The following CAB39L variants were observed in gnomAD, a reference collection of about 807,000 sequenced individuals.
CAB39L encodes calcium-binding protein 39-like.
Under a neutral mutation model 39.1 loss-of-function variants are expected in CAB39L, and 23 were observed. The ratio of observed to expected loss-of-function variants is 0.59; its 90% confidence interval spans 0.42 to 0.83. CAB39L has a LOEUF of 0.83. Ranked by LOEUF, CAB39L falls within the 40% of genes least tolerant of loss-of-function variation. The probability of loss-of-function intolerance (pLI) is 0.00; values close to 1 mark genes in which losing one functional copy is unlikely to be tolerated. For missense variants in CAB39L, 366 were observed against 391.9 expected (o/e 0.93, Z 0.56); for synonymous variants, 126 against 137.2 (o/e 0.92, Z 0.57).
In CAB39L at chr13:49,433,338, T is replaced by C. The variant is rs1957356129; in HGVS notation, c.-52A>G. ...CTTACCTTAGAAGTTGTATATCATT[T>C]GCAAATTTGTTTGAACCTTCTTAGC... On this transcript the variant is annotated 5_prime_UTR_variant, in exon 3 of 11. Transcript: ENST00000409308. 8.8e-6 allele frequency: 4 copies of C among 453,248 alleles called. No individual in the cohort carries two copies. The highest frequency in any genetic ancestry group is 1.3e-5 in the Non-Finnish European group (3 of 226,134). The allele number at this position is 453,248 out of a possible 1,614,324, so 28.1% of individuals were successfully genotyped here.
rs1418644701 is a variant in CAB39L at position 49,339,734 on chromosome 13, T to C, written c.633A>G (p.Glu211=). 1 of 1,582,066 alleles carries C rather than the reference T, an allele frequency of 6.3e-7. No homozygotes were observed. The highest frequency in any genetic ancestry group is 8.6e-7 in the Non-Finnish European group (1 of 1,165,488). Residue 211 remains glutamate, a synonymous_variant, in exon 9 of 11, where the codon GAA becomes GAG. Transcript: ENST00000409308. ...FLEQNYDTIF[E]DYEKLLQSEN... is the part of the protein sequence containing the mutation. ...CAGACTGAAGCAATTTCTCATAGTC[T>C]TCAAAAATCTAATGAAAAGAAAATA...
intron 3 of CAB39L, among the ~76,000 whole-genome samples, chr13:49,386,625 T>C (rs1380274170): frequency 6.6e-6 from 1 of 152,122 alleles, no homozygotes; most frequent in Non-Finnish European, 1.5e-5. Flanking sequence ...GTTTTAAAAT[T>C]TCATCTTATC....
intron 8 of CAB39L, 52 bp from the exon 9 acceptor site, chr13:49,339,794 G>A (rs114944657): frequency 0.044 from 61,919 of 1,420,922 alleles, 1,538 homozygotes; most frequent in Middle Eastern, 0.061. Flanking sequence ...TGGATTCTCC[G>A]TATTAGGCTG....
At chr13:49,400,801 G>C (rs968996135) in intron 3 of CAB39L, among the ~76,000 whole-genome samples, 1 of 151,996 alleles carries the variant, frequency 6.6e-6, no homozygotes, top group East Asian at 1.9e-4. Context: ...TCATGCAGTT[G>C]AAAGAGAAAC....
chr13:49,342,660 C>T (rs1348032527), intron 8 of CAB39L, among the ~76,000 whole-genome samples: 1 of 152,118 alleles, frequency 6.6e-6, no homozygotes, highest in Non-Finnish European at 1.5e-5. Flanking sequence ...GTGGCTGTTG[C>T]TAGGATGAGG....
intron 3 of CAB39L, among the ~76,000 whole-genome samples, chr13:49,386,836 C>G (rs189018300): frequency 2.0e-5 from 3 of 151,856 alleles, no homozygotes; most frequent in Admixed American, 6.6e-5. Flanking sequence ...ACACCTCCCC[C>G]ACTCCCAGAC....
chr13:49,428,687 C>T (rs951934045), intron 3 of CAB39L, among the ~76,000 whole-genome samples: 1 of 152,120 alleles, frequency 6.6e-6, no homozygotes, highest in Non-Finnish European at 1.5e-5. Context: ...TCAGGGAGCT[C>T]TCCAATAAAC....
At chr13:49,316,261 GAA>G (rs1954155027) in intron 10 of CAB39L, among the ~76,000 whole-genome samples, 1 of 152,070 alleles carries the variant, frequency 6.6e-6, no homozygotes, top group Admixed American at 6.6e-5. Context: ...CAAATTCCTA[GAA>G]ACATGCAGAC....
rs77825443 is a variant in CAB39L at position 49,434,037 on chromosome 13, G to C, written c.-108+49C>G. 1,655 of 389,648 alleles carry C rather than the reference G, an allele frequency of 4.2e-3. 25 individuals carry two copies. The highest frequency in any genetic ancestry group is 0.029 in the African/African-American group (1,361 of 47,210). 24.1% of individuals were successfully genotyped at this position (389,648 alleles called of 1,614,324 possible). ...TGTAAAATCTATCTCCATCACAAGA[G>C]TGTGTATGCGTGTGCTTGTTTCCCC... is the stretch of plus-strand genomic sequence containing the variant. On this transcript the variant is annotated intron_variant, in intron 2 of 10. Transcript: ENST00000409308.
chr13:49,310,833 A>C lies in CAB39L; in HGVS notation c.995T>G (p.Leu332Trp), dbSNP rs1456831111. The C allele has an allele frequency of 1.9e-6, 3 of 1,613,994 alleles. No homozygotes were observed. The highest frequency in any genetic ancestry group is 3.3e-5 in the Admixed American group (2 of 59,998). The change falls in exon 11 of 11, where the codon TTG becomes TGG. Residue 332 changes from leucine (L) to tryptophan (W), a missense_variant. Coordinates refer to ENST00000409308, the MANE Select transcript of CAB39L (RefSeq NM_001079670.3). ...KNYLIKQIRD[L>W]KKTAP ...AGCTCTTCAAGGGGCCGTTTTCTTC[A>C]AGTCTCGGATCTGTTTAATCAAGTA...
intron 10 of CAB39L, among the ~76,000 whole-genome samples, chr13:49,330,273 A>AT (rs542906297): frequency 1.3e-3 from 197 of 152,230 alleles, no homozygotes; most frequent in African/African-American, 4.6e-3. Context: ...CTTTCCTATT[A>AT]TTACTTTTGG....
intron 10 of CAB39L, among the ~76,000 whole-genome samples, chr13:49,321,796 T>C (rs928026934): frequency 6.6e-6 from 1 of 152,148 alleles, no homozygotes; most frequent in African/African-American, 2.4e-5. Context: ...CTTTCCAAAG[T>C]TTTTTCAGCA....
intron 3 of CAB39L, among the ~76,000 whole-genome samples, chr13:49,385,815 T>C (rs1260928988): frequency 1.3e-5 from 2 of 152,082 alleles, no homozygotes; most frequent in Non-Finnish European, 1.5e-5. Context: ...CCCAAAACAA[T>C]TACAATAGTT....
Position 49,377,882 on chromosome 13 carries a change from G to A in CAB39L, c.112-751C>T, listed in dbSNP as rs1423917773. ...TGGAAAGTGAGGAGCGTCTCCGCCC[G>A]GCCGCCATCCCATCTAGGAAGTGAG... On this transcript the variant is annotated intron_variant, in intron 4 of 10. Coordinates refer to ENST00000409308, the MANE Select transcript of CAB39L (RefSeq NM_001079670.3). 9.8e-5 allele frequency among the ~76,000 whole-genome samples: 8 copies of A among 81,820 alleles called. 1 individual carries two copies. The highest frequency in any genetic ancestry group is 9.0e-4 in the East Asian group (4 of 4,466). 53.7% of individuals were successfully genotyped at this position (81,820 alleles called of 152,430 possible). A position where few individuals can be genotyped will look rare whatever the true frequency, so the allele number is the denominator to read the frequency against.
At chr13:49,398,329 G>A (rs887244887) in intron 3 of CAB39L, among the ~76,000 whole-genome samples, 19 of 152,000 alleles carry the variant, frequency 1.3e-4, no homozygotes, top group African/African-American at 4.3e-4. Context: ...ATAATTAATA[G>A]ACATGCTAAT....
intron 7 of CAB39L, among the ~76,000 whole-genome samples, chr13:49,346,095 TG>T (rs1404165903): frequency 1.5e-3 from 20 of 13,620 alleles, no homozygotes; most frequent in East Asian, 0.013. Context: ...TATATATATA[TG>T]CTAGATATAT....
At chr13:49,371,974 A>C (rs950028045) in intron 5 of CAB39L, among the ~76,000 whole-genome samples, 32 of 152,122 alleles carry the variant, frequency 2.1e-4, no homozygotes, top group African/African-American at 7.0e-4. Context: ...TGCTTCTTTG[A>C]GCTGCTTATT....
At chr13:49,386,403 A>G (rs1474443021) in intron 3 of CAB39L, among the ~76,000 whole-genome samples, 2 of 152,146 alleles carry the variant, frequency 1.3e-5, no homozygotes, top group Non-Finnish European at 2.9e-5. Flanking sequence ...TTTGCTAAAT[A>G]CTAGGGATAG....
chr13:49,338,211 C>T (rs866008233), intron 9 of CAB39L, among the ~76,000 whole-genome samples: 1 of 151,820 alleles, frequency 6.6e-6, no homozygotes, highest in African/African-American at 2.4e-5. Flanking sequence ...CGTATGTTTA[C>T]TGCGGCATTA....
Sources: allele counts gnomAD v4.1 joint callset (sites outside exome capture counted in the v4.1 genomes callset), GRCh38; gene constraint gnomAD v4.1.1; transcripts MANE v1.5; gene names NCBI Gene and HGNC (gene_info 2026-07-23, HGNC 2026-07-21).